Variants in TCTN2 observed in about 807,000 individuals in gnomAD.
The protein encoded by TCTN2 is tectonic-2.
TCTN2 carries 66 observed loss-of-function variants against 83.4 expected under a neutral mutation model. That is an observed-to-expected ratio of 0.79 (90% confidence interval 0.65 to 0.97). The LOEUF (loss-of-function observed/expected upper bound fraction) is 0.97. TCTN2 is among the 50% of genes least tolerant of loss of function. TCTN2 has a pLI of 0.00. For synonymous variants in TCTN2, 301 were observed against 326.7 expected, an observed-to-expected ratio of 0.92 and a Z score of 0.85; for missense variants, 794 against 858.1, an observed-to-expected ratio of 0.93 and a Z score of 0.93.
intron 8 of TCTN2, among the ~76,000 whole-genome samples, chr12:123,690,948 A>G (rs1177109788): frequency 2.6e-5 from 4 of 151,842 alleles, no homozygotes; most frequent in Admixed American, 2.6e-4. Flanking sequence ...GGCTCACTGT[A>G]CCCTCTGCCT....
At chr12:123,707,454 T>C (rs909412049) in intron 17 of TCTN2, 150 bp from the exon 18 acceptor site, 6 of 751,824 alleles carry the variant, frequency 8.0e-6, no homozygotes, top group Non-Finnish European at 1.4e-5. Context: ...CTGGCCAGGC[T>C]GGTCTCGAAC....
At chr12:123,706,950 T>G in intron 16 of TCTN2, 35 bp from the exon 17 acceptor site, 1 of 1,613,306 alleles carries the variant, frequency 6.2e-7, no homozygotes, top group Non-Finnish European at 8.5e-7. Flanking sequence ...TACTTCTCAC[T>G]TGTAGTTTTT....
chr12:123,699,882 G>A (rs1390379633), intron 14 of TCTN2, 72 bp downstream of exon 14: 1 of 1,202,036 alleles, frequency 8.3e-7, no homozygotes, highest in Non-Finnish European at 1.2e-6. Context: ...CGCAGCATTA[G>A]AGCCCAACCC....
In TCTN2 at chr12:123,696,511, C is replaced by T. The variant is rs369914863; in HGVS notation, c.1393+16C>T. 5 of 1,606,922 alleles carry T rather than the reference C, an allele frequency of 3.1e-6. No homozygotes were observed. Among genetic ancestry groups the T allele is most frequent in the African/African-American group, 1.3e-5 (1 of 74,928 alleles). On this transcript the variant is annotated intron_variant, in intron 12 of 17. Transcript: ENST00000303372. The stretch of plus-strand genomic sequence containing the variant: ...TGGCAATCGGGTAATCCGGTTTGGT[C>T]ATTATGATTAGCCCTTTGGCAAATT...
chr12:123,682,492 A>G (rs1438660851), intron 5 of TCTN2, among the ~76,000 whole-genome samples: 6 of 150,380 alleles, frequency 4.0e-5, no homozygotes, highest in Non-Finnish European at 5.9e-5. Flanking sequence ...TTTTTTATTT[A>G]TTTTTTGAGA....
chr12:123,676,050 G>C (rs1335006313), intron 4 of TCTN2, among the ~76,000 whole-genome samples: 2 of 152,248 alleles, frequency 1.3e-5, no homozygotes, highest in East Asian at 3.9e-4. Flanking sequence ...AGGCTGAGGT[G>C]AGTGGGCCAC....
intron 14 of TCTN2, among the ~76,000 whole-genome samples, chr12:123,701,102 A>G (rs1956167231): frequency 6.6e-6 from 1 of 152,238 alleles, no homozygotes. Flanking sequence ...TAATTTTGTT[A>G]ACTTAAAAGA....
chr12:123,706,684 C>T, intron 15 of TCTN2, 42 bp from the exon 16 acceptor site: 2 of 1,613,578 alleles, frequency 1.2e-6, no homozygotes, highest in South Asian at 2.2e-5. Flanking sequence ...TGGAATAGAA[C>T]TGAATGGTGG....
rs1393489997 is a variant in TCTN2 at position 123,699,794 on chromosome 12, C to A, written c.1596C>A (p.Gly532=). 1.2e-6 allele frequency: 2 copies of A among 1,613,792 alleles called. No individual in the cohort carries two copies. Among genetic ancestry groups the A allele is most frequent in the Non-Finnish European group, 1.7e-6 (2 of 1,179,842 alleles). ...CCGATTACGCTGATCTTAGTGATGG[C>A]TGGCTCGAAATAATACGTAAGTCAA... The part of the protein sequence containing the change: ...GNSDYADLSD[G]WLEIIRVDAP... Residue 532 remains glycine (G), a synonymous_variant, in exon 14 of 18, where the codon GGC becomes GGA. Transcript: ENST00000303372.
intron 4 of TCTN2, among the ~76,000 whole-genome samples, chr12:123,676,990 C>G (rs991414405): frequency 6.6e-6 from 1 of 152,048 alleles, no homozygotes; most frequent in Non-Finnish European, 1.5e-5. Context: ...CCAGCATGGA[C>G]AACATAGTGA....
chr12:123,685,980 C>T (rs1955961840), intron 5 of TCTN2, among the ~76,000 whole-genome samples: 1 of 151,682 alleles, frequency 6.6e-6, no homozygotes, highest in South Asian at 2.1e-4. Flanking sequence ...TTCATTCCAC[C>T]TCAGCCTCCC....
rs767155532 is a variant in TCTN2, at chr12:123,671,329, A to C, written c.82+7A>C. The C allele has an allele frequency of 1.2e-6, 2 of 1,613,128 alleles. No individual in the cohort carries two copies. Among genetic ancestry groups the C allele is most frequent in the Admixed American group, 3.3e-5 (2 of 59,932 alleles). On this transcript the variant is annotated splice_region_variant and intron_variant, in intron 1 of 17. Coordinates refer to ENST00000303372, the MANE Select transcript of TCTN2 (RefSeq NM_024809.5). ...CTTCTGTGGGGGGACCTGGGTGTGT[A>C]CGGCGCGGCAGTGACCTCGGTGGGC...
chr12:123,683,484 T>C (rs1020359154), intron 5 of TCTN2, among the ~76,000 whole-genome samples: 2 of 151,782 alleles, frequency 1.3e-5, no homozygotes, highest in Non-Finnish European at 2.9e-5. Context: ...TTTTGCCGTG[T>C]TGGCCAGGCT....
chr12:123,690,937 C>T (rs557407230), intron 8 of TCTN2, among the ~76,000 whole-genome samples: 4 of 152,232 alleles, frequency 2.6e-5, no homozygotes, highest in East Asian at 3.9e-4. Flanking sequence ...GGCGTGATCT[C>T]GGCTCACTGT....
At chr12:123,675,299 A>G (rs1955807199) in intron 4 of TCTN2, among the ~76,000 whole-genome samples, 1 of 152,166 alleles carries the variant, frequency 6.6e-6, no homozygotes. Context: ...TTAAACCAAA[A>G]GAGCTTTCAA....
chr12:123,674,642 T>C (rs1337988153), intron 4 of TCTN2, among the ~76,000 whole-genome samples: 2 of 152,120 alleles, frequency 1.3e-5, no homozygotes, highest in African/African-American at 4.8e-5. Flanking sequence ...TCCCACACTG[T>C]AAGTGCTTTG....
At chr12:123,673,241 A>G (rs112090316) in intron 3 of TCTN2, among the ~76,000 whole-genome samples, 1,967 of 152,310 alleles carry the variant, frequency 0.013, 43 homozygotes, top group African/African-American at 0.044. Flanking sequence ...GAACATGTAC[A>G]TGTCTAAAGT....
Position 123,699,814 on chromosome 12 carries a change from A to G in TCTN2, c.1612+4A>G. The G allele has an allele frequency of 1.2e-6, 2 of 1,612,812 alleles. No individual in the cohort carries two copies. Among genetic ancestry groups the G allele is most frequent in the Non-Finnish European group, 8.5e-7 (1 of 1,178,840 alleles). ...GATGGCTGGCTCGAAATAATACGTA[A>G]GTCAAACCCGGGTACAATAAAGCCT... On this transcript the variant is annotated splice_donor_region_variant and intron_variant, in intron 14 of 17. Transcript: ENST00000303372.
At chr12:123,707,160 T>TAAAACATATAGAAACTTAAA in intron 17 of TCTN2, 87 bp downstream of exon 17, 1 of 1,105,404 alleles carries the variant, frequency 9.0e-7, no homozygotes, top group South Asian at 1.3e-5. Flanking sequence ...ACAGAAAGCA[T>TAAAACATATAGAAACTTAAA]AAAACATATA....
Sources: allele counts gnomAD v4.1 joint callset (sites outside exome capture counted in the v4.1 genomes callset), GRCh38; gene constraint gnomAD v4.1.1; transcripts MANE v1.5; gene names NCBI Gene and HGNC (gene_info 2026-07-23, HGNC 2026-07-21).